The following C1orf94 variants were observed in gnomAD, a reference collection of about 807,000 sequenced individuals.
The protein encoded by C1orf94 is uncharacterized protein C1orf94.
In C1orf94, 45 loss-of-function variants were observed where a neutral mutation model predicts 53.6. The ratio of observed to expected loss-of-function variants is 0.84; its 90% confidence interval spans 0.66 to 1.08. The LOEUF (loss-of-function observed/expected upper bound fraction) is 1.08, where lower values mean the gene tolerates loss of function less well. Ranked by LOEUF, C1orf94 falls within the 50% of genes least tolerant of loss-of-function variation. The probability of loss-of-function intolerance (pLI) is 0.00; values close to 1 mark genes in which losing one functional copy is unlikely to be tolerated. For missense variants in C1orf94, 762 were observed against 738.9 expected, an observed-to-expected ratio of 1.03 and a Z score of -0.36; for synonymous variants, 304 against 296.1, an observed-to-expected ratio of 1.03 and a Z score of -0.27.
At chr1:34,169,862 G>A (rs899758727) in intron 1 of C1orf94, among the ~76,000 whole-genome samples, 1 of 152,218 alleles carries the variant, frequency 6.6e-6, no homozygotes, top group African/African-American at 2.4e-5. Context: ...AAGGAGTGGC[G>A]ACAGAGGGGC....
chr1:34,197,180 G>T lies in C1orf94; in HGVS notation c.321-45G>T, dbSNP rs558287614. The T allele has an allele frequency of 5.5e-6, 8 of 1,457,500 alleles. No individual in the cohort carries two copies. In the African/African-American group the frequency reaches 1.1e-4, roughly 21 times the overall value. 90.3% of individuals were successfully genotyped at this position (1,457,500 alleles called of 1,614,324 possible). A position where few individuals can be genotyped will look rare whatever the true frequency, so the allele number is the denominator to read the frequency against. On this transcript the variant is annotated intron_variant, in intron 1 of 6. Coordinates refer to ENST00000488417, the MANE Select transcript of C1orf94 (RefSeq NM_001134734.2). The surrounding 1 kb of genome is among the most constrained non-coding windows in gnomAD (Gnocchi z 4.1). The stretch of plus-strand genomic sequence containing the variant: ...ATGTCCTTCTGCAAAGCCACGCCTT[G>T]GTGAGCTGGCACTAACACCGTCTGT...
In C1orf94 at chr1:34,196,273, T is replaced by C. The variant is rs370343784; in HGVS notation, c.321-952T>C. Among the ~76,000 whole-genome samples the C allele has an allele frequency of 3.1e-3, 470 of 152,196 alleles. 3 individuals are homozygous for C. Among genetic ancestry groups the C allele is most frequent in the African/African-American group, 9.3e-3 (387 of 41,526 alleles). On this transcript the variant is annotated intron_variant, in intron 1 of 6. Transcript: ENST00000488417. ...GAGGAGCCTAAAAGCCAGGAGACCA[T>C]CAGGTGCTATCAGACAGGTGCAGAC...
At chr1:34,207,662 G>C (rs1341065064) in intron 4 of C1orf94, among the ~76,000 whole-genome samples, 2 of 152,164 alleles carry the variant, frequency 1.3e-5, no homozygotes, top group African/African-American at 4.8e-5. Context: ...ATTTAACATG[G>C]ATGCAAACCA....
chr1:34,204,652 A>G (rs909764962), intron 4 of C1orf94, among the ~76,000 whole-genome samples: 1 of 151,920 alleles, frequency 6.6e-6, no homozygotes, highest in Non-Finnish European at 1.5e-5. Flanking sequence ...GTATTTATTT[A>G]CTCATTAATT....
chr1:34,213,920 T>A (rs1642941134), intron 6 of C1orf94, among the ~76,000 whole-genome samples: 1 of 152,014 alleles, frequency 6.6e-6, no homozygotes, highest in African/African-American at 2.4e-5. Context: ...CCTCTCTCCC[T>A]CCCTTTCTCT....
At chr1:34,200,372 G>T (rs938174452) in intron 2 of C1orf94, among the ~76,000 whole-genome samples, 9 of 152,176 alleles carry the variant, frequency 5.9e-5, no homozygotes, top group Non-Finnish European at 1.3e-4. Flanking sequence ...GGAAAGAAAA[G>T]AAAGGTAATT....
chr1:34,207,262 G>GGGGT (rs1021463420), intron 4 of C1orf94, among the ~76,000 whole-genome samples: 80 of 147,452 alleles, frequency 5.4e-4, no homozygotes, highest in African/African-American at 1.9e-3. Context: ...AGTTCTGCGG[G>GGGGT]GTGTGTGTGT....
intron 6 of C1orf94, among the ~76,000 whole-genome samples, chr1:34,213,521 C>A (rs1038753510): frequency 3.3e-5 from 5 of 151,962 alleles, no homozygotes; most frequent in African/African-American, 1.2e-4. Context: ...GAAATCCACA[C>A]CCTTTTCTTT....
At chr1:34,169,383 G>A (rs1351319825) in intron 1 of C1orf94, among the ~76,000 whole-genome samples, 2 of 152,158 alleles carry the variant, frequency 1.3e-5, no homozygotes, top group Non-Finnish European at 2.9e-5. Flanking sequence ...GTGGGTTGAG[G>A]TGTCTTTACA....
chr1:34,183,219 C>T (rs1642337113), intron 1 of C1orf94, among the ~76,000 whole-genome samples: 1 of 152,196 alleles, frequency 6.6e-6, no homozygotes, highest in African/African-American at 2.4e-5. Flanking sequence ...ACTCCAAAAT[C>T]TGGTTCAGTT....
At chr1:34,212,712 T>C (rs777770590) in intron 6 of C1orf94, among the ~76,000 whole-genome samples, 5 of 152,202 alleles carry the variant, frequency 3.3e-5, no homozygotes, top group African/African-American at 1.2e-4. Context: ...GGTGCAACGA[T>C]GCATTTGCCT....
intron 1 of C1orf94, among the ~76,000 whole-genome samples, chr1:34,179,546 G>A (rs191289209): frequency 1.9e-3 from 282 of 152,344 alleles, no homozygotes; most frequent in African/African-American, 6.5e-3. Context: ...TTGAACTGGT[G>A]CACCTTTGGC....
At chr1:34,185,155 T>C (rs905879428) in intron 1 of C1orf94, among the ~76,000 whole-genome samples, 22 of 151,962 alleles carry the variant, frequency 1.4e-4, no homozygotes, top group African/African-American at 5.3e-4. Flanking sequence ...AGTGTCTCCC[T>C]CTCTCTTTAT....
chr1:34,208,146 T>C lies in C1orf94; in HGVS notation c.1447-11T>C, dbSNP rs1436983390. On this transcript the variant is annotated splice_polypyrimidine_tract_variant and intron_variant, in intron 4 of 6. Transcript: ENST00000488417. Reference sequence around the variant, plus strand: ...CTTGCCTGGCCATACTGAGCCTCTGTTTCTCCCCAGGGCCTGTACCCACAG... The same window carrying C: ...CTTGCCTGGCCATACTGAGCCTCTGCTTCTCCCCAGGGCCTGTACCCACAG... The C allele has an allele frequency of 6.2e-7, 1 of 1,613,854 alleles. No individual in the cohort carries two copies. Among genetic ancestry groups the C allele is most frequent in the Admixed American group, 1.7e-5 (1 of 59,998 alleles).
chr1:34,212,185 C>A, intron 5 of C1orf94, 25 bp from the exon 6 acceptor site: 1 of 1,580,388 alleles, frequency 6.3e-7, no homozygotes, highest in Non-Finnish European at 8.6e-7. Flanking sequence ...GGTGACCTCA[C>A]CCCTCTCTTC....
chr1:34,180,577 C>T (rs958629682), intron 1 of C1orf94, among the ~76,000 whole-genome samples: 6 of 152,200 alleles, frequency 3.9e-5, no homozygotes, highest in Non-Finnish European at 8.8e-5. Flanking sequence ...AACCCAAGAC[C>T]GCCTTGGCCC....
chr1:34,197,499 G>A lies in C1orf94; in HGVS notation c.595G>A (p.Asp199Asn). ...CATGCCCGTTATCAGCAGCAGGCAG[G>A]ACTGTGATTCTGCCACTTCTACTGT... ...VAMPVISSRQ[D>N]CDSATSTVTD... Residue 199 changes from aspartate to asparagine, a missense_variant, in exon 2 of 7, where the codon GAC becomes AAC. Transcript: ENST00000488417. The surrounding 1 kb of genome is among the most constrained non-coding windows in gnomAD (Gnocchi z 4.1). 1 of 1,614,142 alleles carries A rather than the reference G, an allele frequency of 6.2e-7. No homozygotes were observed. Among genetic ancestry groups the A allele is most frequent in the Admixed American group, 1.7e-5 (1 of 60,020 alleles).
intron 1 of C1orf94, among the ~76,000 whole-genome samples, chr1:34,182,035 A>G (rs1419015232): frequency 6.6e-6 from 1 of 152,204 alleles, no homozygotes; most frequent in Non-Finnish European, 1.5e-5. Flanking sequence ...CTCTACAAAA[A>G]ATACAAAAAT....
chr1:34,216,975 G>C (rs981388145), intron 6 of C1orf94, among the ~76,000 whole-genome samples: 1 of 152,176 alleles, frequency 6.6e-6, no homozygotes, highest in Non-Finnish European at 1.5e-5. Flanking sequence ...AACTACTGGG[G>C]AGAATGAGGC....
Sources: allele counts gnomAD v4.1 joint callset (sites outside exome capture counted in the v4.1 genomes callset), GRCh38; gene constraint gnomAD v4.1.1; non-coding constraint Gnocchi (gnomAD v3.1); transcripts MANE v1.5; gene names NCBI Gene and HGNC (gene_info 2026-07-23, HGNC 2026-07-21).